The following MKLN1 variants were observed in gnomAD, a reference collection of about 807,000 sequenced individuals.
The protein encoded by MKLN1 is muskelin 1, also known as muskelin.
In MKLN1, 18 loss-of-function variants were observed where a neutral mutation model predicts 99.0. The ratio of observed to expected loss-of-function variants is 0.18; its 90% CI spans 0.13 to 0.27. The LOEUF (loss-of-function observed/expected upper bound fraction) is 0.27. MKLN1 is among the 10% of genes least tolerant of loss of function. The pLI is 1.00. For missense variants in MKLN1, 621 were observed against 875.9 expected, an observed-to-expected ratio of 0.71 and a Z score of 3.67; for synonymous variants, 288 against 293.2, an observed-to-expected ratio of 0.98 and a Z score of 0.18.
intron 1 of MKLN1, among the ~76,000 whole-genome samples, chr7:131,335,639 T>G (rs967998329): frequency 1.3e-5 from 2 of 152,000 alleles, no homozygotes; most frequent in African/African-American, 4.8e-5. Context: ...ATGTTCATTA[T>G]CATTTATGCA....
chr7:131,363,681 A>G (rs1264824388), intron 1 of MKLN1, among the ~76,000 whole-genome samples: 3 of 151,298 alleles, frequency 2.0e-5, no homozygotes, highest in South Asian at 4.1e-4. Context: ...TTATTTTTAC[A>G]TGAGTGGTTC....
At chr7:131,239,860 C>T (rs1020353794) in intron 3 of MKLN1, among the ~76,000 whole-genome samples, 6 of 151,716 alleles carry the variant, frequency 4.0e-5, no homozygotes, top group African/African-American at 1.5e-4. Context: ...TGAAGGTGTC[C>T]TATTAATAAT....
At chr7:131,211,607 T>G (rs1390262484) in intron 3 of MKLN1, among the ~76,000 whole-genome samples, 1 of 152,118 alleles carries the variant, frequency 6.6e-6, no homozygotes, top group Non-Finnish European at 1.5e-5. Context: ...CTTGTGTTTT[T>G]TTTTTTTTAA....
chr7:131,388,672 C>T (rs12537991), intron 3 of MKLN1, among the ~76,000 whole-genome samples: 1 of 152,090 alleles, frequency 6.6e-6, no homozygotes, highest in Non-Finnish European at 1.5e-5. Flanking sequence ...CATTAATCCT[C>T]GTATAATTAA....
chr7:131,444,320 T>C (rs537665495), intron 11 of MKLN1, among the ~76,000 whole-genome samples: 1 of 151,840 alleles, frequency 6.6e-6, no homozygotes, highest in Non-Finnish European at 1.5e-5. Context: ...TTTCACCATG[T>C]TGGCCAGGCT....
At chr7:131,383,972 A>G (rs1163410838) in intron 2 of MKLN1, among the ~76,000 whole-genome samples, 2 of 152,222 alleles carry the variant, frequency 1.3e-5, no homozygotes, top group Admixed American at 6.5e-5. Flanking sequence ...TAATCAGATC[A>G]TAGCTTTTTG....
intron 1 of MKLN1, among the ~76,000 whole-genome samples, chr7:131,342,557 C>T (rs1285390844): frequency 2.0e-5 from 3 of 152,154 alleles, no homozygotes; most frequent in African/African-American, 7.2e-5. Context: ...TTTATGAATT[C>T]TTTCCTTACA....
chr7:131,117,621 T>G (rs973700812), intron 1 of MKLN1, among the ~76,000 whole-genome samples: 4 of 152,244 alleles, frequency 2.6e-5, no homozygotes, highest in Non-Finnish European at 4.4e-5. Flanking sequence ...AGCATTGCAT[T>G]TCTTTTTAAA....
intron 9 of MKLN1, among the ~76,000 whole-genome samples, chr7:131,433,457 C>T (rs1197679752): frequency 1.3e-5 from 2 of 152,118 alleles, no homozygotes; most frequent in African/African-American, 2.4e-5. Flanking sequence ...TATATGGAGA[C>T]ATTTCAAGAT....
rs367903028 is a variant in MKLN1 at position 131,190,030 on chromosome 7, GACATA to G, written c.-296-12821_-296-12817del. Among the ~76,000 whole-genome samples, 40 of 152,236 alleles carry G rather than the reference GACATA, an allele frequency of 2.6e-4. No individual in the cohort carries two copies. The East Asian group carries it at 4.4e-3, about 17-fold the overall frequency. Reference sequence around the variant, plus strand: ...AAGGCTAAGTGTGACAAGGTTAAATGACATAACATATATAAAATACCTGGTGGGTT... The same window carrying G: ...AAGGCTAAGTGTGACAAGGTTAAATGACATATATAAAATACCTGGTGGGTT... On this transcript the variant is annotated intron_variant, in intron 2 of 7. Coordinates refer to the MKLN1 transcript ENST00000416992.
chr7:131,287,271 T>G (rs897750171), intron 3 of MKLN1, among the ~76,000 whole-genome samples: 1 of 152,224 alleles, frequency 6.6e-6, no homozygotes, highest in Non-Finnish European at 1.5e-5. Flanking sequence ...CGTAACAAAT[T>G]ACTACAAACT....
chr7:131,150,225 G>A (rs1258121702), intron 2 of MKLN1, among the ~76,000 whole-genome samples: 2 of 152,074 alleles, frequency 1.3e-5, no homozygotes, highest in Non-Finnish European at 1.5e-5. Context: ...AACAAAATCT[G>A]GAATAACTCA....
At chr7:131,125,640 G>T (rs987686060) in intron 1 of MKLN1, among the ~76,000 whole-genome samples, 2 of 152,188 alleles carry the variant, frequency 1.3e-5, no homozygotes, top group African/African-American at 2.4e-5. Context: ...AGAAGCCCAG[G>T]CAGGAAGATT....
At chr7:131,419,870 A>G (rs1487115054) in intron 8 of MKLN1, among the ~76,000 whole-genome samples, 1 of 152,212 alleles carries the variant, frequency 6.6e-6, no homozygotes, top group Non-Finnish European at 1.5e-5. Context: ...TTTAACCTAC[A>G]TGCAGAGTGA....
chr7:131,401,440 C>T (rs1794540648), intron 6 of MKLN1, among the ~76,000 whole-genome samples: 1 of 152,130 alleles, frequency 6.6e-6, no homozygotes. Flanking sequence ...GAAATCCACC[C>T]TTTGCTGAGC....
chr7:131,413,160 G>A (rs973082222), intron 7 of MKLN1, among the ~76,000 whole-genome samples: 4 of 152,156 alleles, frequency 2.6e-5, no homozygotes, highest in Admixed American at 1.3e-4. Flanking sequence ...ACTGATGAGG[G>A]AAGGAAAGAA....
intron 1 of MKLN1, among the ~76,000 whole-genome samples, chr7:131,372,876 T>C (rs1008725396): frequency 6.6e-6 from 1 of 151,906 alleles, no homozygotes; most frequent in African/African-American, 2.4e-5. Context: ...TCTTTTCTTT[T>C]TCTTTTTCTT....
intron 3 of MKLN1, among the ~76,000 whole-genome samples, chr7:131,296,733 T>C (rs1798296849): frequency 6.6e-6 from 1 of 152,114 alleles, no homozygotes; most frequent in African/African-American, 2.4e-5. Flanking sequence ...TTTATTTTCA[T>C]TTTTATGTAT....
intron 3 of MKLN1, among the ~76,000 whole-genome samples, chr7:131,250,020 T>A (rs1797552955): frequency 6.6e-6 from 1 of 152,130 alleles, no homozygotes; most frequent in African/African-American, 2.4e-5. Context: ...AAAGCAAGCA[T>A]GAAGTACGAG....
Sources: allele counts gnomAD v4.1 joint callset (sites outside exome capture counted in the v4.1 genomes callset), GRCh38; gene constraint gnomAD v4.1.1; transcripts MANE v1.5; gene names NCBI Gene and HGNC (gene_info 2026-07-23, HGNC 2026-07-21).